NBAS: variants seen among roughly 807,000 people sequenced by gnomAD.
NBAS encodes the protein NAG/BC035112 fusion.
A neutral mutation model predicts 302.5 loss-of-function variants in NBAS; 219 were observed. The ratio of observed to expected loss-of-function variants is 0.72; its 90% CI spans 0.65 to 0.81. The LOEUF is 0.81. Among genes scored for constraint, NBAS ranks in the 30% least tolerant of loss-of-function variants. The pLI is 0.00. For missense variants in NBAS, 2,932 were observed against 2,841.6 expected, an observed-to-expected ratio of 1.03 and a Z score of -0.72; for synonymous variants, 1,118 against 1,021.6, an observed-to-expected ratio of 1.09 and a Z score of -1.80.
the NBAS span, among the ~76,000 whole-genome samples, chr2:14,831,670 C>A: frequency 6.6e-6 from 1 of 152,162 alleles, no homozygotes; most frequent in Non-Finnish European, 1.5e-5. Context: ...AGCATCATTT[C>A]TTATGTAAAG....
chr2:15,324,593 G>T (rs1430465213), intron 38 of NBAS, among the ~76,000 whole-genome samples: 1 of 152,040 alleles, frequency 6.6e-6, no homozygotes, highest in Non-Finnish European at 1.5e-5. Context: ...AGTGCCTCTG[G>T]GTTTGCCTAT....
intron 48 of NBAS, among the ~76,000 whole-genome samples, chr2:15,202,094 C>G (rs1192536606): frequency 1.3e-5 from 2 of 152,184 alleles, no homozygotes; most frequent in African/African-American, 4.8e-5. Context: ...CACAGAAAGT[C>G]TCTCCTAGGG....
At chr2:15,467,533 G>C (rs970355007) in intron 18 of NBAS, 126 bp from the exon 19 acceptor site, 1 of 1,274,456 alleles carries the variant, frequency 7.8e-7, no homozygotes, top group African/African-American at 1.5e-5. Context: ...AAGCACAAGG[G>C]TAAGATAATA....
chr2:15,211,665 A>G (rs954466173), intron 48 of NBAS, among the ~76,000 whole-genome samples: 1 of 152,204 alleles, frequency 6.6e-6, no homozygotes, highest in Non-Finnish European at 1.5e-5. Context: ...ACTAAAGATC[A>G]TCACTGCTGA....
chr2:15,380,230 T>C (rs1247860665), intron 29 of NBAS, among the ~76,000 whole-genome samples: 2 of 152,184 alleles, frequency 1.3e-5, no homozygotes, highest in Non-Finnish European at 2.9e-5. Context: ...ATTTCTGTTT[T>C]TTTCTTTTTC....
At chr2:15,240,446 C>CAAAAAAAAAAA (rs1175235771) in intron 44 of NBAS, among the ~76,000 whole-genome samples, 5 of 75,344 alleles carry the variant, frequency 6.6e-5, no homozygotes, top group East Asian at 2.7e-4. Flanking sequence ...ACTAAAAATA[C>CAAAAAAAAAAA]AAAAAAAAAA....
chr2:15,079,824 G>A, the NBAS span, among the ~76,000 whole-genome samples: 1 of 152,126 alleles, frequency 6.6e-6, no homozygotes, highest in Admixed American at 6.6e-5. Flanking sequence ...TGTCTTCGTT[G>A]TCTCCGTGGA....
chr2:14,865,106 G>C, the NBAS span, among the ~76,000 whole-genome samples: 1 of 152,096 alleles, frequency 6.6e-6, no homozygotes, highest in African/African-American at 2.4e-5. Context: ...CTTCTGTTCT[G>C]GGCTTCTTAA....
At chr2:15,324,480 A>G (rs1253608648) in intron 38 of NBAS, among the ~76,000 whole-genome samples, 3 of 151,920 alleles carry the variant, frequency 2.0e-5, no homozygotes, top group African/African-American at 7.3e-5. Context: ...CCATCTCTCT[A>G]TCTATTTCCC....
chr2:14,815,424 T>C, the NBAS span, among the ~76,000 whole-genome samples: 1 of 152,180 alleles, frequency 6.6e-6, no homozygotes, highest in South Asian at 2.1e-4. Context: ...TAAATCTAGT[T>C]CCTGGCACTC....
the NBAS span, among the ~76,000 whole-genome samples, chr2:15,123,255 C>G: frequency 0.14 from 20,703 of 152,036 alleles, 2,673 homozygotes; most frequent in African/African-American, 0.33. Flanking sequence ...CTCTGATTTT[C>G]CTGAGGTGGC....
chr2:15,356,557 G>C (rs1246447454), intron 32 of NBAS, 141 bp from the exon 33 acceptor site: 4 of 702,208 alleles, frequency 5.7e-6, no homozygotes, highest in Non-Finnish European at 1.0e-5. Flanking sequence ...GGAAAAAGTT[G>C]CTTTGACCTT....
At chr2:15,277,499 C>G (rs1185853647) in intron 42 of NBAS, among the ~76,000 whole-genome samples, 1 of 152,146 alleles carries the variant, frequency 6.6e-6, no homozygotes, top group Non-Finnish European at 1.5e-5. Flanking sequence ...GAAACATAAA[C>G]AGCCTTATTA....
chr2:15,097,950 T>C, the NBAS span, among the ~76,000 whole-genome samples: 1 of 109,986 alleles, frequency 9.1e-6, no homozygotes, highest in Non-Finnish European at 1.7e-5. Flanking sequence ...TATTATATTG[T>C]ATATAATATA....
chr2:15,159,590 G>C, the NBAS span, among the ~76,000 whole-genome samples: 1 of 151,656 alleles, frequency 6.6e-6, no homozygotes, highest in Admixed American at 6.6e-5. Context: ...AGAGATGGTA[G>C]CATGGTGGTT....
chr2:15,028,003 A>G, the NBAS span, among the ~76,000 whole-genome samples: 1 of 152,254 alleles, frequency 6.6e-6, no homozygotes, highest in Non-Finnish European at 1.5e-5. Flanking sequence ...ATCACACTTT[A>G]TTCTTTTGAT....
At chr2:15,024,086 C>G in the NBAS span, among the ~76,000 whole-genome samples, 2 of 151,872 alleles carry the variant, frequency 1.3e-5, no homozygotes, top group African/African-American at 4.8e-5. Context: ...TCATAGTACC[C>G]AAGGGTTTTG....
the NBAS span, among the ~76,000 whole-genome samples, chr2:14,952,744 A>T: frequency 6.6e-5 from 10 of 152,244 alleles, no homozygotes; most frequent in Non-Finnish European, 1.0e-4. Context: ...CCCAGCACCC[A>T]GCAGAGCGCC....
At position 15,534,657 on chromosome 2, in the gene NBAS, T is replaced by A; in HGVS notation, c.648-16A>T. 1 of 1,577,878 alleles carries A rather than the reference T, an allele frequency of 6.3e-7. No individual in the cohort carries two copies. Among genetic ancestry groups the A allele is most frequent in the Non-Finnish European group, 8.7e-7 (1 of 1,147,046 alleles). Reference sequence around the variant, plus strand: ...TGTTCCAACACTAAATTTAAGAGGGTATGAAAGAAGTAAATACCATTAAAC... The same window carrying A: ...TGTTCCAACACTAAATTTAAGAGGGAATGAAAGAAGTAAATACCATTAAAC... On this transcript the variant is annotated splice_polypyrimidine_tract_variant and intron_variant, in intron 8 of 51. Coordinates refer to ENST00000281513, the MANE Select transcript of NBAS (RefSeq NM_015909.4).
Sources: gnomAD v4.1 joint callset for allele counts (sites outside exome capture counted in the v4.1 genomes callset) on GRCh38, gnomAD v4.1.1 for gene constraint, MANE v1.5 for transcripts, NCBI Gene and HGNC (gene_info 2026-07-23, HGNC 2026-07-21) for gene names.